Variants in KLB observed in about 807,000 individuals in gnomAD.
KLB encodes the protein beta-klotho.
KLB carries 44 observed loss-of-function variants against 88.4 expected under a neutral mutation model. That is an observed-to-expected ratio of 0.50 (90% CI 0.39 to 0.64). The LOEUF is 0.64. KLB is among the 30% of genes least tolerant of loss of function. The pLI is 0.00. For synonymous variants in KLB, 548 were observed against 513.4 expected, an observed-to-expected ratio of 1.07 and a Z score of -0.91; for missense variants, 1,137 against 1,304.8, an observed-to-expected ratio of 0.87 and a Z score of 1.98.
intron 1 of KLB, among the ~76,000 whole-genome samples, chr4:39,420,014 C>T (rs1348569493): frequency 6.8e-6 from 1 of 146,980 alleles, no homozygotes; most frequent in African/African-American, 2.5e-5. Flanking sequence ...ACATTAACAA[C>T]AATTCTGTTG....
At chr4:39,436,757 T>C (rs1320764594) in intron 2 of KLB, among the ~76,000 whole-genome samples, 1 of 152,124 alleles carries the variant, frequency 6.6e-6, no homozygotes, top group Non-Finnish European at 1.5e-5. Context: ...TTACCCAGGC[T>C]GGAGTGCAAT....
chr4:39,446,566 G>A lies in KLB; in HGVS notation c.1840G>A (p.Ala614Thr). ...ASVLPTGNLS[A>T]VNRQALRYYR... ...GGTCCTTCCCACTGGCAACCTGTCC[G>A]CGGTGAACCGACAGGCCCTGAGGTA... Residue 614 changes from alanine (A) to threonine (T), a missense_variant, in exon 4 of 5, where the codon GCG becomes ACG. This residue lies in a region of KLB where 597 missense variants were observed against 765.2 expected (regional missense o/e 0.78). Coordinates refer to ENST00000257408, the MANE Select transcript of KLB (RefSeq NM_175737.4). This position sits in a 1 kb window ranked among gnomAD's most constrained non-coding sequence, Gnocchi z 6.4. 6.2e-7 allele frequency: 1 copy of A among 1,614,194 alleles called. No homozygotes were observed. The highest frequency in any genetic ancestry group is 8.5e-7 in the Non-Finnish European group (1 of 1,180,032).
rs28393778 is a variant in KLB at position 39,444,161 on chromosome 4, T to C, written c.1606-2171T>C. On this transcript the variant is annotated intron_variant, in intron 3 of 4. Coordinates refer to ENST00000257408, the MANE Select transcript of KLB (RefSeq NM_175737.4). ...GACAAGAACAAAACTCCGTCTCAAATAAACAAACAAACAAACAAACAAAAC... is the reference window on the plus strand; with the variant it reads ...GACAAGAACAAAACTCCGTCTCAAACAAACAAACAAACAAACAAACAAAAC... Among the ~76,000 whole-genome samples the C allele has an allele frequency of 2.8e-4, 42 of 152,172 alleles. No homozygotes were observed. In the East Asian group the frequency reaches 4.2e-3, roughly 15 times the overall value.
At chr4:39,415,528 A>G (rs1441350207) in intron 1 of KLB, among the ~76,000 whole-genome samples, 2 of 152,120 alleles carry the variant, frequency 1.3e-5, no homozygotes, top group Non-Finnish European at 2.9e-5. Context: ...TTTCAAAAAT[A>G]TTTAAGTCAT....
intron 3 of KLB, chr4:39,441,536 G>A (rs1040192635): frequency 1.3e-5 from 2 of 152,060 alleles, no homozygotes; most frequent in African/African-American, 2.4e-5. Context: ...CTACATTTCA[G>A]AGCAAGAATT....
Position 39,448,489 on chromosome 4 carries a change from C to T in KLB, c.2938C>T (p.Gln980Ter), listed in dbSNP as rs1743812429. 6.2e-7 allele frequency: 1 copy of T among 1,613,978 alleles called. No individual in the cohort carries two copies. The highest frequency in any genetic ancestry group is 8.5e-7 in the Non-Finnish European group (1 of 1,179,966). ...CAGTAGTTCTAGATGCAGTCAGACC[C>T]AAGAAAATACAGAGTGCACTGTCTG... ...ENSSSRCSQTQENTECTVCLF... is the reference protein window; with the variant it reads ...ENSSSRCSQT The change falls in exon 5 of 5, where the codon CAA (glutamine) becomes TAA (stop). Residue 980 changes from glutamine to a stop codon, truncating the protein, a stop_gained. Transcript: ENST00000257408. LOFTEE classifies it high-confidence loss of function.
chr4:39,425,721 C>T (rs1408923163), intron 1 of KLB, among the ~76,000 whole-genome samples: 1 of 152,190 alleles, frequency 6.6e-6, no homozygotes, highest in Non-Finnish European at 1.5e-5. Context: ...GGATTATAGG[C>T]ATGAGCCACC....
At position 39,446,062 on chromosome 4, in the gene KLB, C is replaced by T. The variant is rs949641115; in HGVS notation, c.1606-270C>T. Among the ~76,000 whole-genome samples the T allele has an allele frequency of 3.3e-5, 5 of 152,314 alleles. No homozygotes were observed. Among genetic ancestry groups the T allele is most frequent in the Non-Finnish European group, 7.4e-5 (5 of 68,020 alleles). On this transcript the variant is annotated intron_variant, in intron 3 of 4. Transcript: ENST00000257408. The surrounding 1 kb of genome is among the most constrained non-coding windows in gnomAD (Gnocchi z 6.4). Reference sequence around the variant, plus strand: ...TTCCTGATGCATTTGAACAGAATCACTTCAAACCCCACCATATATAACCTA... The same window carrying T: ...TTCCTGATGCATTTGAACAGAATCATTTCAAACCCCACCATATATAACCTA...
At chr4:39,443,372 A>G (rs1578214217) in intron 3 of KLB, among the ~76,000 whole-genome samples, 1 of 145,628 alleles carries the variant, frequency 6.9e-6, no homozygotes, top group African/African-American at 2.6e-5. Context: ...CCTCCTCCCT[A>G]CTCCCCCCAA....
chr4:39,434,113 G>T (rs1187644851), intron 1 of KLB, 97 bp from the exon 2 acceptor site: 2 of 1,159,630 alleles, frequency 1.7e-6, no homozygotes, highest in Non-Finnish European at 2.5e-6. Flanking sequence ...ATCACTGTAC[G>T]CTGCATTAAT....
chr4:39,412,287 T>C (rs1742870385), intron 1 of KLB, among the ~76,000 whole-genome samples: 1 of 152,116 alleles, frequency 6.6e-6, no homozygotes, highest in Non-Finnish European at 1.5e-5. Context: ...AAATAAATAT[T>C]ATCTATACTC....
At chr4:39,420,646 T>A (rs1190728457) in intron 1 of KLB, among the ~76,000 whole-genome samples, 2 of 152,058 alleles carry the variant, frequency 1.3e-5, no homozygotes, top group African/African-American at 4.8e-5. Context: ...TGCCTCAGCC[T>A]CCCGAGTAGC....
At chr4:39,433,068 C>T (rs1039435421) in intron 1 of KLB, among the ~76,000 whole-genome samples, 2 of 152,044 alleles carry the variant, frequency 1.3e-5, no homozygotes, top group African/African-American at 4.8e-5. Context: ...TTAGTAGAGA[C>T]GGTGTTTCAC....
intron 1 of KLB, among the ~76,000 whole-genome samples, chr4:39,428,833 G>A (rs1303432600): frequency 5.3e-5 from 8 of 151,942 alleles, no homozygotes; most frequent in African/African-American, 1.9e-4. Flanking sequence ...TCAGCCTCCC[G>A]AGTAGCTGGG....
intron 1 of KLB, among the ~76,000 whole-genome samples, chr4:39,425,361 A>T (rs1174654696): frequency 1.3e-5 from 2 of 152,268 alleles, no homozygotes; most frequent in Non-Finnish European, 2.9e-5. Context: ...CAAATATGCT[A>T]GAGTTTAGTT....
Position 39,448,884 on chromosome 4 carries a change from A to G in KLB, c.*198A>G. Reference sequence around the variant, plus strand: ...ATCAGTGAACTCAGTTCTTGGATGTAAACATAAAGGCTTCATCCTGACAGT... The same window carrying G: ...ATCAGTGAACTCAGTTCTTGGATGTGAACATAAAGGCTTCATCCTGACAGT... On this transcript the variant is annotated 3_prime_UTR_variant, in exon 5 of 5. Coordinates refer to ENST00000257408, the MANE Select transcript of KLB (RefSeq NM_175737.4). 1.8e-6 allele frequency: 1 copy of G among 562,306 alleles called. No individual in the cohort carries two copies. Among genetic ancestry groups the G allele is most frequent in the South Asian group, 2.5e-5 (1 of 39,564 alleles). 34.8% of individuals were successfully genotyped at this position (562,306 alleles called of 1,614,324 possible). A position where few individuals can be genotyped will look rare whatever the true frequency, so the allele number is the denominator to read the frequency against.
chr4:39,446,380 G>C lies in KLB; in HGVS notation c.1654G>C (p.Val552Leu), dbSNP rs776266026. 6.2e-7 allele frequency: 1 copy of C among 1,614,180 alleles called. No individual in the cohort carries two copies. Among genetic ancestry groups the C allele is most frequent in the Non-Finnish European group, 8.5e-7 (1 of 1,180,038 alleles). Residue 552 changes from valine to leucine, a missense_variant, in exon 4 of 5, where the codon GTG becomes CTG. By Grantham distance (32) the Val-to-Leu change is conservative (BLOSUM62 1). Coordinates refer to ENST00000257408, the MANE Select transcript of KLB (RefSeq NM_175737.4). This position sits in a 1 kb window ranked among gnomAD's most constrained non-coding sequence, Gnocchi z 6.4. ...SPQFSDPHLY[V>L]WNATGNRLLH... ...ACAGTTCAGCGATCCTCATCTGTAC[G>C]TGTGGAACGCCACTGGCAACAGACT...
chr4:39,441,070 G>A (rs919184446), intron 3 of KLB, among the ~76,000 whole-genome samples: 5 of 152,142 alleles, frequency 3.3e-5, no homozygotes, highest in African/African-American at 1.2e-4. Context: ...TGGCCAGACT[G>A]GTCTCGAACT....
Position 39,446,159 on chromosome 4 carries a change from A to T in KLB, c.1606-173A>T, listed in dbSNP as rs2608824. 6.6e-6 allele frequency among the ~76,000 whole-genome samples: 1 copy of T among 151,944 alleles called. No individual in the cohort carries two copies. The highest frequency in any genetic ancestry group is 6.5e-5 in the Admixed American group (1 of 15,278). On this transcript the variant is annotated intron_variant, in intron 3 of 4. Transcript: ENST00000257408. This position sits in a 1 kb window ranked among gnomAD's most constrained non-coding sequence, Gnocchi z 6.4. ...CAAACAACTTGTTTTCCAAGCCAGG[A>T]CCTGGGTGTGGCTCCTTCTCTGTTT...
Sources: gnomAD v4.1 joint callset for allele counts (sites outside exome capture counted in the v4.1 genomes callset) on GRCh38, gnomAD v4.1.1 for gene constraint, gnomAD v4.1.1 regional missense constraint, Gnocchi (gnomAD v3.1) non-coding constraint, MANE v1.5 for transcripts, NCBI Gene and HGNC (gene_info 2026-07-23, HGNC 2026-07-21) for gene names.